MAP4K3: variants seen among roughly 807,000 people sequenced by gnomAD.
MAP4K3 encodes MAPK/ERK kinase kinase kinase 3.
Under a neutral mutation model 143.5 loss-of-function variants are expected in MAP4K3, and 94 were observed. The ratio of observed to expected loss-of-function variants is 0.65; its 90% CI spans 0.55 to 0.78. The LOEUF is 0.78. MAP4K3 is among the 30% of genes least tolerant of loss of function. MAP4K3 has a pLI of 0.00. For synonymous variants in MAP4K3, 416 were observed against 347.2 expected (o/e 1.20, Z -2.20); for missense variants, 1,077 against 1,068.1 (o/e 1.01, Z -0.12).
intron 1 of MAP4K3, among the ~76,000 whole-genome samples, chr2:39,379,160 G>C (rs1001749325): frequency 3.3e-5 from 5 of 152,076 alleles, no homozygotes; most frequent in African/African-American, 1.2e-4. Context: ...CCTGGCAAGA[G>C]ATGGTAACAC....
At chr2:39,308,231 C>T (rs541254817) in intron 14 of MAP4K3, among the ~76,000 whole-genome samples, 11 of 152,194 alleles carry the variant, frequency 7.2e-5, no homozygotes, top group East Asian at 5.8e-4. Context: ...CAGGCAATGC[C>T]AACTTACAAA....
At chr2:39,288,423 T>A in intron 19 of MAP4K3, 143 bp from the exon 20 acceptor site, 1 of 632,084 alleles carries the variant, frequency 1.6e-6, no homozygotes, top group South Asian at 2.5e-5. Context: ...TACTCAACCA[T>A]CCAATTCAGA....
intron 1 of MAP4K3, among the ~76,000 whole-genome samples, chr2:39,423,080 T>TA (rs1053804491): frequency 1.8e-3 from 275 of 150,872 alleles, no homozygotes; most frequent in African/African-American, 6.3e-3. Context: ...AATTCAACAA[T>TA]AAAAAAAAAT....
At chr2:39,330,590 G>A (rs986572640) in intron 8 of MAP4K3, among the ~76,000 whole-genome samples, 3 of 152,034 alleles carry the variant, frequency 2.0e-5, no homozygotes, top group African/African-American at 7.2e-5. Flanking sequence ...AACAGTCCAG[G>A]CTGGAACAGG....
At chr2:39,388,472 T>G (rs1014755327) in intron 1 of MAP4K3, among the ~76,000 whole-genome samples, 1 of 152,208 alleles carries the variant, frequency 6.6e-6, no homozygotes, top group Admixed American at 6.5e-5. Flanking sequence ...ATCAGAGCTG[T>G]AAACAAAAGC....
At chr2:39,287,672 C>T (rs1223875044) in intron 20 of MAP4K3, among the ~76,000 whole-genome samples, 1 of 152,054 alleles carries the variant, frequency 6.6e-6, no homozygotes, top group Admixed American at 6.6e-5. Flanking sequence ...TAAAATAGCA[C>T]CTTCTAGTAT....
At chr2:39,300,453 A>C (rs971545712) in intron 15 of MAP4K3, among the ~76,000 whole-genome samples, 1 of 152,226 alleles carries the variant, frequency 6.6e-6, no homozygotes, top group Non-Finnish European at 1.5e-5. Context: ...TTAACATTTA[A>C]AAGGATGAAC....
At chr2:39,356,850 G>T (rs1225536800) in intron 2 of MAP4K3, among the ~76,000 whole-genome samples, 3 of 152,166 alleles carry the variant, frequency 2.0e-5, no homozygotes, top group Non-Finnish European at 4.4e-5. Flanking sequence ...TTATTTCCAA[G>T]TAACATTTAA....
At chr2:39,423,748 G>C (rs1041519058) in intron 1 of MAP4K3, among the ~76,000 whole-genome samples, 1 of 152,202 alleles carries the variant, frequency 6.6e-6, no homozygotes, top group African/African-American at 2.4e-5. Context: ...ATCAGTGGCT[G>C]CCTGGAGTTG....
At chr2:39,392,429 A>G (rs938819295) in intron 1 of MAP4K3, among the ~76,000 whole-genome samples, 4 of 152,210 alleles carry the variant, frequency 2.6e-5, no homozygotes, top group Non-Finnish European at 4.4e-5. Flanking sequence ...TCTATAAAGC[A>G]TCCCAAAGTG....
chr2:39,350,385 G>C (rs1665418695), intron 3 of MAP4K3, among the ~76,000 whole-genome samples: 1 of 152,134 alleles, frequency 6.6e-6, no homozygotes, highest in African/African-American at 2.4e-5. Context: ...ATCAGAGAAA[G>C]CTGAGTGAAG....
At chr2:39,260,807 C>G in intron 28 of MAP4K3, 30 bp from the exon 29 acceptor site, 1 of 1,494,602 alleles carries the variant, frequency 6.7e-7, no homozygotes, top group African/African-American at 1.4e-5. Context: ...TACATTAAAC[C>G]AAGGAAAATA....
chr2:39,287,616 T>C (rs1030400529), intron 20 of MAP4K3, among the ~76,000 whole-genome samples: 4 of 152,192 alleles, frequency 2.6e-5, no homozygotes, highest in African/African-American at 7.2e-5. Flanking sequence ...TTGCTCTTTT[T>C]TAAAATTGCT....
intron 2 of MAP4K3, among the ~76,000 whole-genome samples, chr2:39,377,028 A>ATG (rs1366388965): frequency 2.0e-5 from 3 of 152,056 alleles, no homozygotes; most frequent in Non-Finnish European, 2.9e-5. Context: ...CATTTTATTT[A>ATG]TGTGTGGTTT....
At chr2:39,300,789 G>T (rs1376554134) in intron 15 of MAP4K3, among the ~76,000 whole-genome samples, 1 of 152,192 alleles carries the variant, frequency 6.6e-6, no homozygotes, top group African/African-American at 2.4e-5. Context: ...AGTTTCCATA[G>T]CATTTAACAC....
At chr2:39,276,875 G>C (rs537821404) in intron 24 of MAP4K3, among the ~76,000 whole-genome samples, 1 of 152,192 alleles carries the variant, frequency 6.6e-6, no homozygotes, top group East Asian at 1.9e-4. Flanking sequence ...GACCACTAAT[G>C]ATTACGGAGG....
chr2:39,321,272 A>T (rs980237806), intron 12 of MAP4K3, among the ~76,000 whole-genome samples: 1 of 152,114 alleles, frequency 6.6e-6, no homozygotes, highest in African/African-American at 2.4e-5. Flanking sequence ...ACATTCTGTT[A>T]ATCTATGATC....
rs1469621708 is a variant in MAP4K3, at chr2:39,396,673, C to T, written c.97-18550G>A. ...TATTTTTAGTACAGACGGGGTTTCA[C>T]CCTGTTAATCAGGATGGTCTCGATC... On this transcript the variant is annotated intron_variant, in intron 1 of 33. Transcript: ENST00000263881. 2.6e-5 allele frequency among the ~76,000 whole-genome samples: 4 copies of T among 152,210 alleles called. No homozygotes were observed. In the East Asian group the frequency reaches 7.7e-4, roughly 29 times the overall value.
chr2:39,307,994 A>G lies in MAP4K3; in HGVS notation c.1068T>C (p.Asp356=). 6.3e-7 allele frequency: 1 copy of G among 1,599,966 alleles called. No homozygotes were observed. The highest frequency in any genetic ancestry group is 8.5e-7 in the Non-Finnish European group (1 of 1,173,536). The change falls in exon 15 of 34, where the codon GAT becomes GAC. Residue 356 remains aspartate, a synonymous_variant. Coordinates refer to ENST00000263881, the MANE Select transcript of MAP4K3 (RefSeq NM_003618.4). ...TTTCTTCTGAACTGTCCAAAAAACC[A>G]TCACTGTCGGGCTGTTTAGCAGAGA... The part of the protein sequence containing the change: ...TEPHHELPDS[D]GFLDSSEEIY...
Sources: allele counts gnomAD v4.1 joint callset (sites outside exome capture counted in the v4.1 genomes callset), GRCh38; gene constraint gnomAD v4.1.1; transcripts MANE v1.5; gene names NCBI Gene and HGNC (gene_info 2026-07-23, HGNC 2026-07-21).